The following MSI2 variants were observed in gnomAD, a reference collection of about 807,000 sequenced individuals.
The protein encoded by MSI2 is musashi RNA binding protein 2.
MSI2 carries 17 observed loss-of-function variants against 45.6 expected under a neutral mutation model. That is an observed-to-expected ratio of 0.37 (90% confidence interval 0.26 to 0.56). The LOEUF is 0.56. Among genes scored for constraint, MSI2 ranks in the 20% least tolerant of loss-of-function variants. MSI2 has a pLI of 0.77. For missense variants in MSI2, 293 were observed against 444.2 expected (o/e 0.66, Z 3.06); for synonymous variants, 156 against 158.2 (o/e 0.99, Z 0.11).
chr17:57,276,218 G>A (rs184102848), intron 5 of MSI2, among the ~76,000 whole-genome samples: 3 of 152,196 alleles, frequency 2.0e-5, no homozygotes, highest in African/African-American at 4.8e-5. Flanking sequence ...AAAGTGGCAG[G>A]TTACACATCC....
Position 57,257,119 on chromosome 17 carries a change from G to T in MSI2, c.84G>T (p.Leu28=). ...CTAGTAAAATGTTTATCGGTGGACT[G>T]AGCTGGCAGACCTCACCAGGTAAGG... ...HDPGKMFIGG[L]SWQTSPDSLR... is the part of the protein sequence containing the mutation. Residue 28 remains leucine (L), a synonymous_variant, in exon 2 of 14, where the codon CTG becomes CTT. Coordinates refer to ENST00000284073, the MANE Select transcript of MSI2 (RefSeq NM_138962.4). 6.5e-7 allele frequency: 1 copy of T among 1,532,986 alleles called. No homozygotes were observed. The highest frequency in any genetic ancestry group is 1.1e-5 in the South Asian group (1 of 89,208). The allele number at this position is 1,532,986 out of a possible 1,614,324, so 95.0% of individuals were successfully genotyped here.
chr17:57,333,880 C>T (rs921546038), intron 5 of MSI2, among the ~76,000 whole-genome samples: 11 of 152,072 alleles, frequency 7.2e-5, no homozygotes, highest in Non-Finnish European at 1.3e-4. Context: ...TCTCTTGTCT[C>T]GAGCTACAGT....
chr17:57,379,580 G>A (rs1178243122), intron 5 of MSI2, among the ~76,000 whole-genome samples: 1 of 151,218 alleles, frequency 6.6e-6, no homozygotes, highest in Non-Finnish European at 1.5e-5. Context: ...GTCAGCTGTC[G>A]GCCATCAGGA....
At chr17:57,619,875 G>A (rs965055378) in intron 9 of MSI2, among the ~76,000 whole-genome samples, 2 of 152,222 alleles carry the variant, frequency 1.3e-5, no homozygotes, top group African/African-American at 4.8e-5. Context: ...TAAAGAAGGG[G>A]CTGTTAGGTA....
At chr17:57,517,453 C>G (rs1271119935) in intron 6 of MSI2, among the ~76,000 whole-genome samples, 1 of 152,212 alleles carries the variant, frequency 6.6e-6, no homozygotes, top group Non-Finnish European at 1.5e-5. Context: ...GCTACTGCTG[C>G]TGAATTCAGG....
At chr17:57,582,390 TA>T (rs1438336966) in intron 7 of MSI2, among the ~76,000 whole-genome samples, 3 of 152,146 alleles carry the variant, frequency 2.0e-5, no homozygotes, top group Non-Finnish European at 4.4e-5. Context: ...AATAGGACTA[TA>T]ATAGGATACA....
intron 7 of MSI2, among the ~76,000 whole-genome samples, chr17:57,575,671 C>T (rs188614496): frequency 1.3e-5 from 2 of 152,198 alleles, no homozygotes; most frequent in African/African-American, 2.4e-5. Context: ...AGGAGCCGGG[C>T]GCGGTGGCTC....
intron 8 of MSI2, 49 bp from the exon 9 acceptor site, chr17:57,615,921 T>C: frequency 1.4e-6 from 2 of 1,402,642 alleles, no homozygotes; most frequent in Non-Finnish European, 2.0e-6. Flanking sequence ...CATTTGACAT[T>C]TACGTGGAAT....
chr17:57,641,399 T>A (rs1910251721), intron 10 of MSI2, among the ~76,000 whole-genome samples: 1 of 151,938 alleles, frequency 6.6e-6, no homozygotes, highest in African/African-American at 2.4e-5. Context: ...AAAGCCCACG[T>A]GACATGAAGC....
In MSI2 at chr17:57,328,224, A is replaced by G. The variant is rs939613695; in HGVS notation, c.312+66032A>G. Among the ~76,000 whole-genome samples the G allele has an allele frequency of 2.6e-5, 4 of 151,822 alleles. No individual in the cohort carries two copies. The South Asian group carries it at 8.3e-4, about 32-fold the overall frequency. On this transcript the variant is annotated intron_variant, in intron 5 of 13. Coordinates refer to ENST00000284073, the MANE Select transcript of MSI2 (RefSeq NM_138962.4). ...CTTCTGTTCATCCATCCATCCATCCATCCATGCATCTACCTAGCCATCCAT... is the reference window on the plus strand; with the variant it reads ...CTTCTGTTCATCCATCCATCCATCCGTCCATGCATCTACCTAGCCATCCAT...
chr17:57,677,896 G>A (rs1328955197), intron 13 of MSI2, among the ~76,000 whole-genome samples: 1 of 152,212 alleles, frequency 6.6e-6, no homozygotes. Flanking sequence ...AAGGGAGAGG[G>A]GTTGTCCTTG....
intron 5 of MSI2, chr17:57,278,473 T>C (rs923253097): frequency 6.6e-6 from 1 of 152,258 alleles, no homozygotes; most frequent in Non-Finnish European, 1.5e-5. Context: ...AGACCCACAT[T>C]AGGTTTTGGA....
chr17:57,415,472 C>A (rs1030794362), intron 6 of MSI2, among the ~76,000 whole-genome samples: 1 of 152,134 alleles, frequency 6.6e-6, no homozygotes, highest in Non-Finnish European at 1.5e-5. Flanking sequence ...TTGCTGTTAG[C>A]ATTGTGACCC....
chr17:57,698,781 C>G, the MSI2 span, among the ~76,000 whole-genome samples: 1 of 152,056 alleles, frequency 6.6e-6, no homozygotes, highest in Non-Finnish European at 1.5e-5. Flanking sequence ...TCAAAAGATA[C>G]AAGGAGTAAA....
chr17:57,569,215 A>G (rs1363116382), intron 7 of MSI2, among the ~76,000 whole-genome samples: 1 of 152,206 alleles, frequency 6.6e-6, no homozygotes, highest in Admixed American at 6.5e-5. Flanking sequence ...TCTATTCGCC[A>G]GATGTTCCCG....
intron 5 of MSI2, among the ~76,000 whole-genome samples, chr17:57,378,332 C>T (rs962659323): frequency 9.9e-5 from 15 of 152,026 alleles, no homozygotes; most frequent in African/African-American, 2.7e-4. Context: ...GATGTAATCT[C>T]GGCTCACTGC....
At chr17:57,375,711 G>C (rs2083484343) in intron 5 of MSI2, among the ~76,000 whole-genome samples, 1 of 152,212 alleles carries the variant, frequency 6.6e-6, no homozygotes, top group African/African-American at 2.4e-5. Flanking sequence ...GCCACTCTGA[G>C]TGAACATATT....
At chr17:57,646,223 A>G (rs1458398566) in intron 10 of MSI2, among the ~76,000 whole-genome samples, 1 of 152,234 alleles carries the variant, frequency 6.6e-6, no homozygotes, top group East Asian at 1.9e-4. Flanking sequence ...ATATGCACAC[A>G]AAAATAACTG....
chr17:57,356,350 G>A (rs867439526), intron 5 of MSI2, among the ~76,000 whole-genome samples: 2 of 152,112 alleles, frequency 1.3e-5, no homozygotes, highest in African/African-American at 4.8e-5. Context: ...GGACTCTTAA[G>A]CAGATTATCC....
Sources: gnomAD v4.1 joint callset for allele counts (sites outside exome capture counted in the v4.1 genomes callset) on GRCh38, gnomAD v4.1.1 for gene constraint, MANE v1.5 for transcripts, NCBI Gene and HGNC (gene_info 2026-07-23, HGNC 2026-07-21) for gene names.